Variants in RNF144B observed in about 807,000 individuals in gnomAD.
RNF144B encodes the protein ring finger protein 144B.
RNF144B carries 25 observed loss-of-function variants against 40.2 expected under a neutral mutation model. The observed-to-expected ratio is 0.62, with a 90% CI of 0.45 to 0.87. The LOEUF (loss-of-function observed/expected upper bound fraction) is 0.87. Ranked by LOEUF, RNF144B falls within the 40% of genes least tolerant of loss-of-function variation. RNF144B has a pLI of 0.00. For missense variants in RNF144B, 365 were observed against 373.7 expected, an observed-to-expected ratio of 0.98 and a Z score of 0.19; for synonymous variants, 145 against 136.3, an observed-to-expected ratio of 1.06 and a Z score of -0.44.
chr6:18,430,672 TA>T (rs1562050634), intron 3 of RNF144B, among the ~76,000 whole-genome samples: 1 of 135,268 alleles, frequency 7.4e-6, no homozygotes, highest in African/African-American at 2.7e-5. Context: ...TTTTTTTTTT[TA>T]AAGAGAGGGT....
Position 18,464,135 on chromosome 6 carries a change from T to C in RNF144B, c.771+755T>C, listed in dbSNP as rs1759525699. Among the ~76,000 whole-genome samples the C allele has an allele frequency of 6.6e-6, 1 of 152,200 alleles. No homozygotes were observed. Among genetic ancestry groups the C allele is most frequent in the African/African-American group, 2.4e-5 (1 of 41,454 alleles). ...GGCTTAGATCCCTGTGTACATGCCA[T>C]TGTGTGTTTATGTGGCAGGTTCAAA... On this transcript the variant is annotated intron_variant, in intron 7 of 7. Transcript: ENST00000259939. This position sits in a 1 kb window ranked among gnomAD's most constrained non-coding sequence, Gnocchi z 6.1.
rs550862158 is a variant in RNF144B, at chr6:18,449,377, T to A, written c.332-7778T>A. Among the ~76,000 whole-genome samples the A allele has an allele frequency of 2.6e-5, 4 of 152,202 alleles. No individual in the cohort carries two copies. In the East Asian group the frequency reaches 7.7e-4, roughly 29 times the overall value. ...CAGTGTGATCTGGTTCTCACAAACG[T>A]AATCATCTCAAAGGCTTTATCTCTA... On this transcript the variant is annotated intron_variant, in intron 4 of 7. Transcript: ENST00000259939.
chr6:18,411,190 A>T (rs754348738), intron 2 of RNF144B, among the ~76,000 whole-genome samples: 13 of 151,600 alleles, frequency 8.6e-5, no homozygotes, highest in Non-Finnish European at 1.5e-4. Context: ...TCACCATGTT[A>T]GCCAGGATGG....
chr6:18,397,461 A>G (rs1298198350), intron 1 of RNF144B, among the ~76,000 whole-genome samples: 3 of 152,214 alleles, frequency 2.0e-5, no homozygotes, highest in African/African-American at 7.2e-5. Flanking sequence ...CTTTTGTTTA[A>G]CCAGAACATG....
In RNF144B at chr6:18,399,612, C is replaced by G. The variant is rs746365234; in HGVS notation, c.78C>G (p.Pro26=). Residue 26 remains proline (P), a synonymous_variant, in exon 2 of 8, where the codon CCC becomes CCG. Coordinates refer to ENST00000259939, the MANE Select transcript of RNF144B (RefSeq NM_182757.4). The part of the protein sequence containing the change: ...NPTPGDLAPA[P]LITCKLCLCE... ...CTCCTGGAGACCTGGCTCCGGCCCC[C>G]CTCATCACTTGCAAACTCTGCCTGT... The G allele has an allele frequency of 6.2e-7, 1 of 1,614,028 alleles. No individual in the cohort carries two copies. The highest frequency in any genetic ancestry group is 1.3e-5 in the African/African-American group (1 of 74,900).
intron 4 of RNF144B, among the ~76,000 whole-genome samples, chr6:18,453,788 T>A (rs1342866357): frequency 6.6e-6 from 1 of 152,196 alleles, no homozygotes; most frequent in Middle Eastern, 3.2e-3. Context: ...TGCTTTAATC[T>A]CGTTGATAAA....
intron 2 of RNF144B, among the ~76,000 whole-genome samples, chr6:18,411,105 C>G (rs1795023843): frequency 6.6e-6 from 1 of 151,930 alleles, no homozygotes; most frequent in African/African-American, 2.4e-5. Context: ...CTACCTCAGC[C>G]TCCTGAGTAG....
rs147694516 is a variant in RNF144B at position 18,444,321 on chromosome 6, A to G, written c.331+4577A>G. 2.2e-3 allele frequency among the ~76,000 whole-genome samples: 333 copies of G among 152,278 alleles called. 1 individual carries two copies. Among genetic ancestry groups the G allele is most frequent in the African/African-American group, 7.9e-3 (327 of 41,562 alleles). On this transcript the variant is annotated intron_variant, in intron 4 of 7. Transcript: ENST00000259939. This position sits in a 1 kb window ranked among gnomAD's most constrained non-coding sequence, Gnocchi z 4.3. ...TCTCTTTCTGCATCAGCTTTCCAATATTAACAAGGAAAAGGGAATGCTAAG... is the reference window on the plus strand; with the variant it reads ...TCTCTTTCTGCATCAGCTTTCCAATGTTAACAAGGAAAAGGGAATGCTAAG...
chr6:18,448,183 T>C lies in RNF144B; in HGVS notation c.331+8439T>C, dbSNP rs1253887715. ...TTTGTTTTTTCTTGAAAGGAACTTA[T>C]GATCCAGCAGAAAGGGATGATACAG... On this transcript the variant is annotated intron_variant, in intron 4 of 7. Transcript: ENST00000259939. The surrounding 1 kb of genome is among the most constrained non-coding windows in gnomAD (Gnocchi z 4.0). Among the ~76,000 whole-genome samples, 1 of 152,074 alleles carries C rather than the reference T, an allele frequency of 6.6e-6. No homozygotes were observed. Among genetic ancestry groups the C allele is most frequent in the Non-Finnish European group, 1.5e-5 (1 of 68,020 alleles).
chr6:18,439,798 T>G, intron 4 of RNF144B, 54 bp downstream of exon 4: 1 of 1,204,104 alleles, frequency 8.3e-7, no homozygotes. Flanking sequence ...ATGTGTCATT[T>G]TTACACTAAC....
At position 18,443,775 on chromosome 6, in the gene RNF144B, G is replaced by A. The variant is rs756811753; in HGVS notation, c.331+4031G>A. The stretch of plus-strand genomic sequence containing the variant: ...TAGACTTCTTATCTACCTCAAACTC[G>A]AGACCTTCATCAGCTAGGTGACTTT... On this transcript the variant is annotated intron_variant, in intron 4 of 7. Transcript: ENST00000259939. The surrounding 1 kb of genome is among the most constrained non-coding windows in gnomAD (Gnocchi z 4.7). 7.2e-5 allele frequency among the ~76,000 whole-genome samples: 11 copies of A among 152,012 alleles called. No homozygotes were observed. The highest frequency in any genetic ancestry group is 1.9e-4 in the East Asian group (1 of 5,200).
In RNF144B at chr6:18,416,428, T is replaced by G. The variant is rs1268256641; in HGVS notation, c.166-11153T>G. On this transcript the variant is annotated intron_variant, in intron 2 of 7. Coordinates refer to ENST00000259939, the MANE Select transcript of RNF144B (RefSeq NM_182757.4). The surrounding 1 kb of genome is among the most constrained non-coding windows in gnomAD (Gnocchi z 5.5). ...ACCAGGCTGCAGCATTTCCAATGGGTTTCTCTTCAGAGCTATTTCTGTCAT... is the reference window on the plus strand; with the variant it reads ...ACCAGGCTGCAGCATTTCCAATGGGGTTCTCTTCAGAGCTATTTCTGTCAT... 6.6e-6 allele frequency among the ~76,000 whole-genome samples: 1 copy of G among 152,200 alleles called. No individual in the cohort carries two copies. The highest frequency in any genetic ancestry group is 1.9e-4 in the East Asian group (1 of 5,188).
At chr6:18,394,010 A>G (rs1794639331) in intron 1 of RNF144B, among the ~76,000 whole-genome samples, 2 of 152,130 alleles carry the variant, frequency 1.3e-5, no homozygotes, top group East Asian at 1.9e-4. Context: ...GTGCAGATCA[A>G]CTGGATTTTT....
At position 18,387,365 on chromosome 6, in the gene RNF144B, C is replaced by G; in HGVS notation, c.-302C>G. On this transcript the variant is annotated 5_prime_UTR_variant, in exon 1 of 8. Transcript: ENST00000259939. Reference sequence around the variant, plus strand: ...CGCTGCTGGCGAGCTGTGCCCCACGCTCCCGCTGCAACAGTCCCGGGCATC... The same window carrying G: ...CGCTGCTGGCGAGCTGTGCCCCACGGTCCCGCTGCAACAGTCCCGGGCATC... 4 of 1,151,392 alleles carry G rather than the reference C, an allele frequency of 3.5e-6. No individual in the cohort carries two copies. Among genetic ancestry groups the G allele is most frequent in the Non-Finnish European group, 4.3e-6 (4 of 920,550 alleles). 71.3% of individuals were successfully genotyped at this position (1,151,392 alleles called of 1,614,324 possible). A position where few individuals can be genotyped will look rare whatever the true frequency, so the allele number is the denominator to read the frequency against.
Position 18,459,469 on chromosome 6 carries a change from T to A in RNF144B, c.537-138T>A. The A allele has an allele frequency of 1.4e-6, 1 of 727,608 alleles. No individual in the cohort carries two copies. Among genetic ancestry groups the A allele is most frequent in the Non-Finnish European group, 2.3e-6 (1 of 443,776 alleles). 45.1% of individuals were successfully genotyped at this position (727,608 alleles called of 1,614,324 possible). A position where few individuals can be genotyped will look rare whatever the true frequency, so the allele number is the denominator to read the frequency against. On this transcript the variant is annotated intron_variant, in intron 5 of 7. Coordinates refer to ENST00000259939, the MANE Select transcript of RNF144B (RefSeq NM_182757.4). The surrounding 1 kb of genome is among the most constrained non-coding windows in gnomAD (Gnocchi z 4.2). ...TATGAGTTATCTGTACATCTAATAA[T>A]GTTTTTGCCCACACCCTTTCTTTTG...
At chr6:18,454,414 C>T (rs953449791) in intron 4 of RNF144B, among the ~76,000 whole-genome samples, 2 of 152,146 alleles carry the variant, frequency 1.3e-5, no homozygotes, top group African/African-American at 2.4e-5. Context: ...AGTCAATTTC[C>T]TTTTTGGATA....
chr6:18,439,744 G>C lies in RNF144B; in HGVS notation c.331G>C (p.Glu111Gln). Residue 111 changes from glutamate to glutamine, a missense_variant and splice_region_variant, in exon 4 of 8, where the codon GAA becomes CAA. Glu to Gln is a conservative substitution (Grantham distance 29). Coordinates refer to ENST00000259939, the MANE Select transcript of RNF144B (RefSeq NM_182757.4). ...QLYQRLKFER[E>Q]VHLDPYRTWC... is the part of the protein sequence containing the mutation. Reference sequence around the variant, plus strand: ...TTATCAGAGGTTAAAATTTGAAAGAGGTATGAACTCTTCTTTTTTTCCTGA... The same window carrying C: ...TTATCAGAGGTTAAAATTTGAAAGACGTATGAACTCTTCTTTTTTTCCTGA... 6.3e-7 allele frequency: 1 copy of C among 1,599,136 alleles called. No individual in the cohort carries two copies. The highest frequency in any genetic ancestry group is 8.6e-7 in the Non-Finnish European group (1 of 1,166,696).
intron 2 of RNF144B, among the ~76,000 whole-genome samples, chr6:18,417,418 A>G (rs1795165501): frequency 6.6e-6 from 1 of 152,172 alleles, no homozygotes; most frequent in African/African-American, 2.4e-5. Flanking sequence ...TAAATAAATA[A>G]ATAAATCTTA....
chr6:18,392,371 A>G (rs1415443457), intron 1 of RNF144B, among the ~76,000 whole-genome samples: 4 of 152,238 alleles, frequency 2.6e-5, no homozygotes, highest in Non-Finnish European at 5.9e-5. Flanking sequence ...GACTTTATTC[A>G]TAACCTAATT....
Sources: gnomAD v4.1 joint callset for allele counts (sites outside exome capture counted in the v4.1 genomes callset) on GRCh38, gnomAD v4.1.1 for gene constraint, Gnocchi (gnomAD v3.1) non-coding constraint, MANE v1.5 for transcripts, NCBI Gene and HGNC (gene_info 2026-07-23, HGNC 2026-07-21) for gene names.